The following ZNF280D variants were observed in gnomAD, a reference collection of about 807,000 sequenced individuals.
ZNF280D encodes suppressor of hairy wing homolog 4.
ZNF280D carries 39 observed loss-of-function variants against 94.7 expected under a neutral mutation model. That is an observed-to-expected ratio of 0.41 (90% confidence interval 0.32 to 0.54). ZNF280D has a LOEUF of 0.54. ZNF280D is among the 20% of genes least tolerant of loss of function. The pLI, the probability that ZNF280D is intolerant of heterozygous loss-of-function variation, is 0.22. For synonymous variants in ZNF280D, 398 were observed against 377.6 expected (o/e 1.05, Z -0.63); for missense variants, 1,090 against 1,149.3 (o/e 0.95, Z 0.75).
intron 1 of ZNF280D, among the ~76,000 whole-genome samples, chr15:56,726,994 T>G (rs1281112846): frequency 1.3e-5 from 2 of 152,152 alleles, no homozygotes; most frequent in African/African-American, 4.8e-5. Context: ...TTATACTATT[T>G]TAACCCCCCC....
intron 21 of ZNF280D, among the ~76,000 whole-genome samples, chr15:56,634,744 A>T (rs1171482470): frequency 6.6e-6 from 1 of 152,104 alleles, no homozygotes; most frequent in Admixed American, 6.5e-5. Flanking sequence ...AAGTATGAAA[A>T]TTTTAAAAGC....
At chr15:56,707,563 C>T (rs185375757) in intron 1 of ZNF280D, among the ~76,000 whole-genome samples, 121 of 152,126 alleles carry the variant, frequency 8.0e-4, no homozygotes, top group African/African-American at 2.7e-3. Context: ...TTAGTAAAAA[C>T]GAGTAAACAC....
Position 56,714,288 on chromosome 15 carries a change from T to C in ZNF280D, c.-85-6982A>G, listed in dbSNP as rs184818402. On this transcript the variant is annotated intron_variant, in intron 1 of 21. Coordinates refer to ENST00000267807, the MANE Select transcript of ZNF280D (RefSeq NM_017661.4). Reference sequence around the variant, plus strand: ...CTGTAGACAAAATACGGGATGATTATAGAATCTTAAGAGACTGTAGAAGAT... The same window carrying C: ...CTGTAGACAAAATACGGGATGATTACAGAATCTTAAGAGACTGTAGAAGAT... Among the ~76,000 whole-genome samples, 480 of 152,296 alleles carry C rather than the reference T, an allele frequency of 3.2e-3. 5 individuals carry two copies. Among genetic ancestry groups the C allele is most frequent in the African/African-American group, 0.011 (454 of 41,566 alleles).
At chr15:56,641,338 A>T (rs756353875) in intron 20 of ZNF280D, among the ~76,000 whole-genome samples, 8 of 151,996 alleles carry the variant, frequency 5.3e-5, no homozygotes, top group Middle Eastern at 3.2e-3. Context: ...TTGGCTCAAA[A>T]TATCCATACA....
intron 20 of ZNF280D, among the ~76,000 whole-genome samples, chr15:56,638,274 A>C (rs1478864526): frequency 6.6e-6 from 1 of 152,200 alleles, no homozygotes; most frequent in Admixed American, 6.6e-5. Flanking sequence ...TTAAGGGGCC[A>C]ATAAGTTCCA....
chr15:56,703,511 T>TCAA (rs2057211837), intron 4 of ZNF280D, among the ~76,000 whole-genome samples: 1 of 152,198 alleles, frequency 6.6e-6, no homozygotes, highest in African/African-American at 2.4e-5. Context: ...CCAAATGTTT[T>TCAA]ATTTTCTCTT....
intron 7 of ZNF280D, among the ~76,000 whole-genome samples, chr15:56,690,143 G>A (rs2056340765): frequency 6.6e-6 from 1 of 152,182 alleles, no homozygotes; most frequent in African/African-American, 2.4e-5. Flanking sequence ...AGCACTTTGG[G>A]AGGCTGAGGC....
At chr15:56,632,661 A>AT (rs1452997596) in intron 21 of ZNF280D, among the ~76,000 whole-genome samples, 2 of 150,802 alleles carry the variant, frequency 1.3e-5, no homozygotes, top group Admixed American at 6.6e-5. Context: ...AAGCCCAGCT[A>AT]TTTTTTTTAT....
intron 16 of ZNF280D, among the ~76,000 whole-genome samples, chr15:56,660,387 TATC>T (rs1459551443): frequency 1.4e-4 from 22 of 152,248 alleles, no homozygotes; most frequent in Admixed American, 1.0e-3. Flanking sequence ...ACTTATACCA[TATC>T]ATAATGTTGA....
chr15:56,652,433 A>G (rs1442851857), intron 19 of ZNF280D: 1 of 216,878 alleles, frequency 4.6e-6, no homozygotes, highest in Non-Finnish European at 7.8e-6. Flanking sequence ...CAATGTTCCT[A>G]TTTATAAGAT....
chr15:56,658,577 G>A, intron 16 of ZNF280D, 91 bp from the exon 17 acceptor site: 2 of 856,498 alleles, frequency 2.3e-6, no homozygotes, highest in South Asian at 4.1e-5. Context: ...TAAGTTTCTA[G>A]TTTGTAATAA....
chr15:56,714,227 T>G lies in ZNF280D; in HGVS notation c.-85-6921A>C, dbSNP rs111389724. Among the ~76,000 whole-genome samples the G allele has an allele frequency of 1.1e-4, 16 of 152,228 alleles. 1 individual carries two copies. The highest frequency in any genetic ancestry group is 3.9e-4 in the African/African-American group (16 of 41,542). The stretch of plus-strand genomic sequence containing the variant: ...AAGGGCACATTCCCACCACACAAAC[T>G]TTATTACTAAAAACACCTGATCAGC... On this transcript the variant is annotated intron_variant, in intron 1 of 21. Coordinates refer to ENST00000267807, the MANE Select transcript of ZNF280D (RefSeq NM_017661.4).
At chr15:56,686,025 C>A (rs1481709177) in intron 9 of ZNF280D, among the ~76,000 whole-genome samples, 1 of 152,106 alleles carries the variant, frequency 6.6e-6, no homozygotes, top group African/African-American at 2.4e-5. Context: ...TAAATGGAAA[C>A]CATAACAGGG....
chr15:56,669,182 T>C (rs1036146144), intron 13 of ZNF280D, among the ~76,000 whole-genome samples: 1 of 152,062 alleles, frequency 6.6e-6, no homozygotes, highest in African/African-American at 2.4e-5. Context: ...TACATGAAAG[T>C]TCTATCAATA....
chr15:56,641,370 T>TA (rs2052619715), intron 20 of ZNF280D, among the ~76,000 whole-genome samples: 1 of 152,018 alleles, frequency 6.6e-6, no homozygotes, highest in East Asian at 1.9e-4. Flanking sequence ...TAACACTTTG[T>TA]AATCTATTCA....
chr15:56,656,148 T>C (rs1417612097), intron 17 of ZNF280D, among the ~76,000 whole-genome samples: 1 of 152,196 alleles, frequency 6.6e-6, no homozygotes, highest in Non-Finnish European at 1.5e-5. Flanking sequence ...CAATAAACTG[T>C]ACTGTACATT....
chr15:56,704,117 T>C lies in ZNF280D; in HGVS notation c.175+4A>G. 1 of 1,613,370 alleles carries C rather than the reference T, an allele frequency of 6.2e-7. No homozygotes were observed. Among genetic ancestry groups the C allele is most frequent in the Non-Finnish European group, 8.5e-7 (1 of 1,179,802 alleles). Reference sequence around the variant, plus strand: ...GCTTGGTTTCACTAAAAGTAAATGCTTACTTGAAATTGCTGGTTTTGAACT... The same window carrying C: ...GCTTGGTTTCACTAAAAGTAAATGCCTACTTGAAATTGCTGGTTTTGAACT... On this transcript the variant is annotated splice_donor_region_variant and intron_variant, in intron 4 of 21. Transcript: ENST00000267807.
intron 20 of ZNF280D, among the ~76,000 whole-genome samples, chr15:56,637,355 T>C (rs2140514768): frequency 6.6e-6 from 1 of 152,100 alleles, no homozygotes; most frequent in Middle Eastern, 3.4e-3. Context: ...AAAACATTTT[T>C]TTTTTTTGTA....
rs200691842 is a variant in ZNF280D at position 56,665,042 on chromosome 15, G to GA, written c.1994+1352dup. On this transcript the variant is annotated intron_variant, in intron 16 of 21. Transcript: ENST00000267807. ...GATTTAAATAGTACTGTAGTTTCAA[G>GA]AAAAAAAAAGACAATATATGAACTT... is the stretch of plus-strand genomic sequence containing the variant. Among the ~76,000 whole-genome samples, 7 of 150,404 alleles carry GA rather than the reference G, an allele frequency of 4.7e-5. No homozygotes were observed. In the South Asian group the frequency reaches 1.1e-3, roughly 23 times the overall value.
Sources: allele counts gnomAD v4.1 joint callset (sites outside exome capture counted in the v4.1 genomes callset), GRCh38; gene constraint gnomAD v4.1.1; transcripts MANE v1.5; gene names NCBI Gene and HGNC (gene_info 2026-07-23, HGNC 2026-07-21).